The following ZFYVE26 variants were observed in gnomAD, a reference collection of about 807,000 sequenced individuals.
The protein encoded by ZFYVE26 is zinc finger FYVE domain-containing protein 26.
ZFYVE26 carries 181 observed loss-of-function variants against 276.5 expected under a neutral mutation model. The observed-to-expected ratio is 0.65, with a 90% CI of 0.58 to 0.74. The LOEUF (loss-of-function observed/expected upper bound fraction) is 0.74. Among genes scored for constraint, ZFYVE26 ranks in the 30% least tolerant of loss-of-function variants. ZFYVE26 has a pLI of 0.00. For missense variants in ZFYVE26, 2,821 were observed against 3,097.9 expected (o/e 0.91, Z 2.12); for synonymous variants, 1,129 against 1,203.1 (o/e 0.94, Z 1.27).
intron 20 of ZFYVE26, among the ~76,000 whole-genome samples, chr14:67,783,981 C>T (rs2039581329): frequency 6.6e-6 from 1 of 152,218 alleles, no homozygotes; most frequent in South Asian, 2.1e-4. Context: ...TATTGACAAA[C>T]TGCCTTCCGA....
At chr14:67,733,998 T>C (rs367934208) in intron 13 of ZFYVE26, 18 of 626,024 alleles carry the variant, frequency 2.9e-5, no homozygotes, top group Admixed American at 2.3e-4. Context: ...CTGGGAATGT[T>C]TGCACACCTG....
intron 13 of ZFYVE26, chr14:67,735,415 T>A: frequency 1.5e-6 from 1 of 647,932 alleles, no homozygotes; most frequent in Non-Finnish European, 2.8e-6. Context: ...TTGCCGCAAG[T>A]TAACATCTGA....
At chr14:67,784,052 C>G (rs1333321321) in intron 20 of ZFYVE26, among the ~76,000 whole-genome samples, 1 of 152,152 alleles carries the variant, frequency 6.6e-6, no homozygotes, top group Non-Finnish European at 1.5e-5. Flanking sequence ...TTCCTACAGT[C>G]TAATCAACTA....
intron 28 of ZFYVE26, among the ~76,000 whole-genome samples, chr14:67,771,312 C>T (rs1362227657): frequency 6.6e-6 from 1 of 152,176 alleles, no homozygotes; most frequent in Non-Finnish European, 1.5e-5. Context: ...TGATCTTGTT[C>T]TTTTTTATGG....
chr14:67,771,972 G>T, intron 28 of ZFYVE26, 75 bp downstream of exon 28: 1 of 1,563,870 alleles, frequency 6.4e-7, no homozygotes, highest in Non-Finnish European at 8.7e-7. Flanking sequence ...GGCGGTGATT[G>T]TAAACTCAGG....
intron 3 of ZFYVE26, among the ~76,000 whole-genome samples, chr14:67,810,935 C>A (rs1294660623): frequency 6.6e-6 from 1 of 152,088 alleles, no homozygotes; most frequent in African/African-American, 2.4e-5. Context: ...GAGTTTAGAG[C>A]ACAAGACCTA....
chr14:67,759,900 G>A (rs911916421), intron 35 of ZFYVE26, among the ~76,000 whole-genome samples: 2 of 152,076 alleles, frequency 1.3e-5, no homozygotes, highest in African/African-American at 2.4e-5. Flanking sequence ...AAATACACAG[G>A]GAAAAGGCTA....
At chr14:67,799,123 G>A in intron 10 of ZFYVE26, 4 of 1,393,738 alleles carry the variant, frequency 2.9e-6, no homozygotes, top group Non-Finnish European at 4.1e-6. Flanking sequence ...ACTAGGAGGC[G>A]TACTGGCGGC....
At chr14:67,763,377 C>T (rs942710920) in intron 32 of ZFYVE26, among the ~76,000 whole-genome samples, 1 of 152,204 alleles carries the variant, frequency 6.6e-6, no homozygotes, top group Non-Finnish European at 1.5e-5. Context: ...TCATGTGCCA[C>T]ATAATGACAT....
chr14:67,766,596 G>A, intron 31 of ZFYVE26, 149 bp from the exon 32 acceptor site: 2 of 735,716 alleles, frequency 2.7e-6, no homozygotes, highest in Non-Finnish European at 4.6e-6. Context: ...GAAAGCAGAA[G>A]TGGAACTAAA....
chr14:67,742,838 C>CTTCTTTTTTTTTT (rs769663149), downstream of ZFYVE26, among the ~76,000 whole-genome samples: 131 of 89,760 alleles, frequency 1.5e-3, no homozygotes, highest in Non-Finnish European at 2.1e-3. Context: ...TCTTCTTCTT[C>CTTCTTTTTTTTTT]TTTTTTTTTT....
chr14:67,799,328 G>C, intron 10 of ZFYVE26: 1 of 1,612,868 alleles, frequency 6.2e-7, no homozygotes, highest in Non-Finnish European at 8.5e-7. Context: ...GCAAGCTATT[G>C]ACGCCAGAGC....
chr14:67,751,112 A>G lies in ZFYVE26; in HGVS notation c.7372-16T>C, dbSNP rs762028849. On this transcript the variant is annotated splice_polypyrimidine_tract_variant and intron_variant, in intron 40 of 41. Transcript: ENST00000347230. The stretch of plus-strand genomic sequence containing the variant: ...CCTCCAGCTCCTGTGCAGAACAGAA[A>G]CAGCACTGTGAGAGGGAGAAGAGTC... 1.9e-6 allele frequency: 3 copies of G among 1,614,172 alleles called. No individual in the cohort carries two copies. The highest frequency in any genetic ancestry group is 2.5e-6 in the Non-Finnish European group (3 of 1,180,010).
downstream of ZFYVE26, chr14:67,746,413 G>C (rs1309437844): frequency 1.0e-4 from 15 of 149,418 alleles, no homozygotes; most frequent in Non-Finnish European, 4.4e-5. Flanking sequence ...TTTAGACTAA[G>C]TCTGAATTGA....
intron 35 of ZFYVE26, among the ~76,000 whole-genome samples, chr14:67,757,128 C>T (rs958592324): frequency 6.6e-6 from 1 of 152,198 alleles, no homozygotes; most frequent in Non-Finnish European, 1.5e-5. Flanking sequence ...CTGGACCACA[C>T]TGGATCCCTG....
At chr14:67,730,455 T>C (rs980675355) in intron 13 of ZFYVE26, among the ~76,000 whole-genome samples, 6 of 152,202 alleles carry the variant, frequency 3.9e-5, no homozygotes, top group African/African-American at 1.4e-4. Context: ...CAGTAAGCAT[T>C]TCCTTTGAGT....
intron 3 of ZFYVE26, among the ~76,000 whole-genome samples, chr14:67,811,737 T>C (rs2040306161): frequency 6.6e-6 from 1 of 150,684 alleles, no homozygotes; most frequent in South Asian, 2.1e-4. Flanking sequence ...ATATATGTTA[T>C]ATTTTAGTGC....
At chr14:67,763,044 A>G (rs1200156129) in intron 32 of ZFYVE26, among the ~76,000 whole-genome samples, 1 of 152,220 alleles carries the variant, frequency 6.6e-6, no homozygotes, top group African/African-American at 2.4e-5. Flanking sequence ...CTGGGATTAC[A>G]GGTGCCTGGC....
chr14:67,734,767 C>T (rs952261218), intron 13 of ZFYVE26, among the ~76,000 whole-genome samples: 1 of 152,306 alleles, frequency 6.6e-6, no homozygotes, highest in African/African-American at 2.4e-5. Flanking sequence ...TGAGTGCTGA[C>T]GGAGACACTC....
Sources: gnomAD v4.1 joint callset for allele counts (sites outside exome capture counted in the v4.1 genomes callset) on GRCh38, gnomAD v4.1.1 for gene constraint, MANE v1.5 for transcripts, NCBI Gene and HGNC (gene_info 2026-07-23, HGNC 2026-07-21) for gene names.